PGK1: variants seen among roughly 807,000 people sequenced by gnomAD.
PGK1 encodes the protein phosphoglycerate kinase 1.
Under a neutral mutation model 26.9 loss-of-function variants are expected in PGK1, and 3 were observed. That is an observed-to-expected ratio of 0.11 (90% CI 0.05 to 0.29). The LOEUF is 0.29. Among genes scored for constraint, PGK1 ranks in the 10% least tolerant of loss-of-function variants. The pLI, the probability that PGK1 is intolerant of heterozygous loss-of-function variation, is 1.00. For missense variants in PGK1, 270 were observed against 314.7 expected (o/e 0.86, Z 1.07); for synonymous variants, 125 against 115.3 (o/e 1.08, Z -0.54).
chrX:78,107,689 G>A (rs2078278379), intron 1 of PGK1, among the ~76,000 whole-genome samples: 1 of 111,659 alleles, frequency 9.0e-6, no homozygotes, highest in South Asian at 3.7e-4. Flanking sequence ...TACAGCTGCT[G>A]TGAACATTTG....
intron 4 of PGK1, 65 bp from the exon 5 acceptor site, chrX:78,117,247 G>A: frequency 2.6e-6 from 2 of 770,514 alleles, no homozygotes; most frequent in South Asian, 2.1e-5. Context: ...GACTCTTGGT[G>A]TATGAAATGC....
chrX:78,122,034 C>G (rs913105658), intron 6 of PGK1, among the ~76,000 whole-genome samples: 1 of 111,599 alleles, frequency 9.0e-6, no homozygotes. Context: ...GACCTTGTCT[C>G]TACAAAAAAA....
intron 1 of PGK1, chrX:78,106,287 C>G (rs2078272266): frequency 2.5e-6 from 1 of 403,461 alleles, no homozygotes; most frequent in South Asian, 1.3e-4. Context: ...ATTTAGGTCT[C>G]CTTGGCTATC....
At chrX:78,109,762 A>G (rs1235910659) in intron 1 of PGK1, 105 bp from the exon 2 acceptor site, 2 of 600,514 alleles carry the variant, frequency 3.3e-6, no homozygotes, top group African/African-American at 4.4e-5. Flanking sequence ...TATTTTTAAG[A>G]TGAGATTTGA....
intron 1 of PGK1, 56 bp from the exon 2 acceptor site, chrX:78,109,811 T>C (rs781919987): frequency 1.2e-6 from 1 of 802,654 alleles, no homozygotes; most frequent in Non-Finnish European, 1.9e-6. Context: ...AAAATGCATC[T>C]CCTAGTCTTT....
chrX:78,120,356 T>C (rs202076152), intron 6 of PGK1, among the ~76,000 whole-genome samples: 33 of 106,881 alleles, frequency 3.1e-4, no homozygotes, highest in African/African-American at 8.2e-4. Flanking sequence ...CACATATATA[T>C]ACACACACAC....
Position 78,110,678 on chromosome X carries a change from A to G in PGK1, c.116+761A>G, listed in dbSNP as rs144238644. ...CTCTTGCAAAATGAAGAACTATGTA[A>G]GAGAAGGATTTTAAAAGTACCAGTA... On this transcript the variant is annotated intron_variant, in intron 2 of 10. Transcript: ENST00000373316. 3.1e-4 allele frequency among the ~76,000 whole-genome samples: 34 copies of G among 110,810 alleles called. 1 individual carries two copies. In the East Asian group the frequency reaches 9.5e-3, roughly 31 times the overall value.
intron 1 of PGK1, among the ~76,000 whole-genome samples, chrX:78,107,527 T>A (rs1008959492): frequency 8.9e-6 from 1 of 112,568 alleles, no homozygotes; most frequent in South Asian, 3.6e-4. Flanking sequence ...TCACTTAGCA[T>A]AATGTCCTCA....
chrX:78,127,389 TTCCTG>T lies in PGK1; in HGVS notation c.*1564_*1568del, dbSNP rs2078388031. The stretch of plus-strand genomic sequence containing the variant: ...TTTATAATTTTACCTTCCTATTTCT[TTCCTG>T]TCCTTTTAATGGAGTTTTGGGAGAG... On this transcript the variant is annotated 3_prime_UTR_variant, in exon 11 of 11. Coordinates refer to ENST00000373316, the MANE Select transcript of PGK1 (RefSeq NM_000291.4). 1 of 112,506 alleles carries T rather than the reference TTCCTG, an allele frequency of 8.9e-6. No homozygotes were observed. Among genetic ancestry groups the T allele is most frequent in the Non-Finnish European group, 1.9e-5 (1 of 53,333 alleles). 9.3% of individuals were successfully genotyped at this position (112,506 alleles called of 1,213,427 possible).
intron 2 of PGK1, among the ~76,000 whole-genome samples, chrX:78,112,708 C>T (rs782153494): frequency 2.7e-5 from 3 of 111,764 alleles, no homozygotes; most frequent in Non-Finnish European, 5.6e-5. Flanking sequence ...CCAAGATCAC[C>T]CACATATCTC....
intron 5 of PGK1, 136 bp downstream of exon 5, chrX:78,117,551 A>G (rs2078332728): frequency 3.9e-6 from 2 of 513,726 alleles, no homozygotes; most frequent in Non-Finnish European, 7.0e-6. Flanking sequence ...AACTGCCACT[A>G]TGGCTCTTGT....
chrX:78,112,640 A>G (rs940222415), intron 2 of PGK1, among the ~76,000 whole-genome samples: 23 of 112,182 alleles, frequency 2.1e-4, no homozygotes, highest in African/African-American at 7.4e-4. Context: ...TGATGGTTTC[A>G]AGATTTGAGA....
In PGK1 at chrX:78,122,575, T is replaced by TA. The variant is rs199560372; in HGVS notation, c.642-251dup. On this transcript the variant is annotated intron_variant, in intron 6 of 10. Coordinates refer to ENST00000373316, the MANE Select transcript of PGK1 (RefSeq NM_000291.4). ...TTGTCCATCAGCTTCTAGGTAGAAT[T>TA]AAAAAAAAATGTATTGATGGTAAGT... Among the ~76,000 whole-genome samples, 91 of 109,049 alleles carry TA rather than the reference T, an allele frequency of 8.3e-4. 1 individual carries two copies. The East Asian group carries it at 0.022, about 26-fold the overall frequency. The allele number at this position is 109,049 out of a possible 115,157, so 94.7% of individuals were successfully genotyped here.
intron 1 of PGK1, among the ~76,000 whole-genome samples, chrX:78,109,307 G>C (rs782218706): frequency 5.4e-5 from 6 of 111,128 alleles, no homozygotes; most frequent in Admixed American, 9.6e-5. Flanking sequence ...TTTTCTCTTA[G>C]TGTGTTTTAT....
chrX:78,113,906 G>T lies in PGK1; in HGVS notation c.272+7G>T, dbSNP rs370211949. On this transcript the variant is annotated splice_region_variant and intron_variant, in intron 3 of 10. Coordinates refer to ENST00000373316, the MANE Select transcript of PGK1 (RefSeq NM_000291.4). ...TCAAATCTCTGCTGGGCAAGTAAGT[G>T]CCAGGCTCTGGTGCTGGTAGACTTT... 1 of 1,209,301 alleles carries T rather than the reference G, an allele frequency of 8.3e-7. No homozygotes were observed. Among genetic ancestry groups the T allele is most frequent in the Non-Finnish European group, 1.1e-6 (1 of 894,447 alleles).
chrX:78,124,784 G>T, intron 8 of PGK1, 90 bp from the exon 9 acceptor site: 3 of 751,612 alleles, frequency 4.0e-6, no homozygotes, highest in South Asian at 2.1e-5. Flanking sequence ...AGAAACTTTG[G>T]TGTGCAGCCC....
intron 2 of PGK1, among the ~76,000 whole-genome samples, chrX:78,113,301 A>G (rs1471737552): frequency 1.8e-5 from 2 of 111,187 alleles, no homozygotes; most frequent in Non-Finnish European, 3.8e-5. Flanking sequence ...ACCCTGTCTC[A>G]ACAAAAAAAG....
In PGK1 at chrX:78,104,290, G is replaced by C. The variant is rs782675431; in HGVS notation, c.-51G>C. 1.0e-6 allele frequency: 1 copy of C among 964,579 alleles called. No individual in the cohort carries two copies. Among genetic ancestry groups the C allele is most frequent in the Non-Finnish European group, 1.5e-6 (1 of 672,605 alleles). The allele number at this position is 964,579 out of a possible 1,213,427, so 79.5% of individuals were successfully genotyped here. On this transcript the variant is annotated 5_prime_UTR_variant, in exon 1 of 11. Coordinates refer to ENST00000373316, the MANE Select transcript of PGK1 (RefSeq NM_000291.4). ...CCTCCGGAGCGCACGTCGGCAGTCG[G>C]CTCCCTCGTTGACCGAATCACCGAC...
intron 4 of PGK1, 132 bp from the exon 5 acceptor site, chrX:78,117,180 G>T (rs1039055765): frequency 1.7e-5 from 9 of 516,761 alleles, no homozygotes; most frequent in African/African-American, 1.6e-4. Flanking sequence ...ACATCCTACT[G>T]CTGGTTGTAA....
Sources: allele counts gnomAD v4.1 joint callset (sites outside exome capture counted in the v4.1 genomes callset), GRCh38; gene constraint gnomAD v4.1.1; transcripts MANE v1.5; gene names NCBI Gene and HGNC (gene_info 2026-07-23, HGNC 2026-07-21).